SPP2: variants seen among roughly 807,000 people sequenced by gnomAD.
The protein encoded by SPP2 is secreted phosphoprotein 24.
A neutral mutation model predicts 28.8 loss-of-function variants in SPP2; 34 were observed. The ratio of observed to expected loss-of-function variants is 1.18; its 90% CI spans 0.90 to 1.57. The LOEUF (loss-of-function observed/expected upper bound fraction) is 1.57, where lower values mean the gene tolerates loss of function less well. Ranked by LOEUF, SPP2 falls within the 40% of genes most tolerant of loss-of-function variation. The probability of loss-of-function intolerance (pLI) is 0.00; values close to 1 mark genes in which losing one functional copy is unlikely to be tolerated. For missense variants in SPP2, 269 were observed against 263.9 expected, an observed-to-expected ratio of 1.02 and a Z score of -0.13; for synonymous variants, 96 against 89.4, an observed-to-expected ratio of 1.07 and a Z score of -0.42.
chr2:234,069,983 C>G lies in SPP2; in HGVS notation c.606C>G (p.His202Gln). ...PGNRRYPNHRHRARINTDFE is the reference protein window; with the variant it reads ...PGNRRYPNHRQRARINTDFE ...ACAGAAGGTACCCAAACCACCGGCA[C>G]AGAGCAAGAATAAATACTGACTTTG... The change falls in exon 7 of 8, where the codon CAC becomes CAG. Residue 202 changes from histidine to glutamine, a missense_variant. His to Gln is a conservative substitution (Grantham distance 24, BLOSUM62 0). Transcript: ENST00000168148. 6.2e-7 allele frequency: 1 copy of G among 1,613,582 alleles called. No individual in the cohort carries two copies. Among genetic ancestry groups the G allele is most frequent in the Non-Finnish European group, 8.5e-7 (1 of 1,179,644 alleles).
intron 7 of SPP2, 106 bp downstream of exon 7, chr2:234,070,129 C>A: frequency 1.2e-6 from 1 of 868,268 alleles, no homozygotes; most frequent in Non-Finnish European, 1.8e-6. Flanking sequence ...CTATTCAAAT[C>A]CTTGCTTTTC....
chr2:234,055,974 T>C (rs891503032), intron 2 of SPP2: 1 of 152,198 alleles, frequency 6.6e-6, no homozygotes, highest in Non-Finnish European at 1.5e-5. Context: ...TATATATACA[T>C]GTGCTATGTT....
chr2:234,056,861 G>A (rs1312605540), intron 2 of SPP2, among the ~76,000 whole-genome samples: 1 of 151,868 alleles, frequency 6.6e-6, no homozygotes, highest in Non-Finnish European at 1.5e-5. Flanking sequence ...TCCTATGTTA[G>A]GAGACATAAA....
chr2:234,053,333 G>A (rs1231491941), intron 2 of SPP2, among the ~76,000 whole-genome samples: 1 of 152,136 alleles, frequency 6.6e-6, no homozygotes, highest in African/African-American at 2.4e-5. Context: ...CTAAGAATAT[G>A]TTCAAAGCAA....
At chr2:234,052,084 C>A (rs1693509184) in intron 2 of SPP2, among the ~76,000 whole-genome samples, 1 of 152,158 alleles carries the variant, frequency 6.6e-6, no homozygotes, top group African/African-American at 2.4e-5. Flanking sequence ...GGAAATGAAT[C>A]AAAAGGACCC....
intron 7 of SPP2, 58 bp downstream of exon 7, chr2:234,070,081 C>A: frequency 1.5e-6 from 2 of 1,372,118 alleles, no homozygotes; most frequent in South Asian, 1.2e-5. Context: ...GTGGAGTGAA[C>A]GCCTTAAAAC....
In SPP2 at chr2:234,070,024, G is replaced by A; in HGVS notation, c.*10+1G>A. 1 of 1,611,138 alleles carries A rather than the reference G, an allele frequency of 6.2e-7. No homozygotes were observed. The highest frequency in any genetic ancestry group is 8.5e-7 in the Non-Finnish European group (1 of 1,177,732). ...ACTGACTTTGAGTAACGGCCTTGAGGTAAGAAAATGCAGGTGCACACAAGT... is the reference window on the plus strand; with the variant it reads ...ACTGACTTTGAGTAACGGCCTTGAGATAAGAAAATGCAGGTGCACACAAGT... On this transcript the variant is annotated splice_donor_variant, in intron 7 of 7. Transcript: ENST00000168148. LOFTEE classifies it low-confidence loss of function (3UTR_SPLICE).
intron 7 of SPP2, among the ~76,000 whole-genome samples, chr2:234,071,858 C>A (rs1380203114): frequency 6.6e-6 from 1 of 152,194 alleles, no homozygotes; most frequent in Non-Finnish European, 1.5e-5. Flanking sequence ...TTGTCACTTC[C>A]CTTTGGAGGT....
Position 234,050,955 on chromosome 2 carries a change from G to A in SPP2, c.86-16G>A, listed in dbSNP as rs1264737000. 1 of 1,613,994 alleles carries A rather than the reference G, an allele frequency of 6.2e-7. No individual in the cohort carries two copies. Among genetic ancestry groups the A allele is most frequent in the Admixed American group, 1.7e-5 (1 of 60,000 alleles). ...TGTGTCTTGTCTCACTGTGCCCCAT[G>A]TGCTTGCGTGTCCAGGTTTCCCAGT... is the stretch of plus-strand genomic sequence containing the variant. On this transcript the variant is annotated splice_polypyrimidine_tract_variant and intron_variant, in intron 1 of 7. Transcript: ENST00000168148.
intron 4 of SPP2, among the ~76,000 whole-genome samples, chr2:234,064,145 C>A (rs1693773261): frequency 6.6e-6 from 1 of 151,218 alleles, no homozygotes; most frequent in Non-Finnish European, 1.5e-5. Flanking sequence ...TCCTTCTCCC[C>A]CTCATTCCCT....
At chr2:234,067,643 G>A (rs1693849696) in intron 6 of SPP2, among the ~76,000 whole-genome samples, 1 of 151,960 alleles carries the variant, frequency 6.6e-6, no homozygotes, top group South Asian at 2.1e-4. Flanking sequence ...CGGGCGTAGT[G>A]GTGGGCGCCT....
intron 6 of SPP2, among the ~76,000 whole-genome samples, chr2:234,069,011 A>G (rs1012534052): frequency 6.6e-6 from 1 of 152,156 alleles, no homozygotes; most frequent in African/African-American, 2.4e-5. Context: ...TCTCATCTGA[A>G]GCTTGACTGG....
intron 4 of SPP2, among the ~76,000 whole-genome samples, chr2:234,065,991 C>T (rs1693810522): frequency 6.6e-6 from 1 of 152,104 alleles, no homozygotes; most frequent in African/African-American, 2.4e-5. Context: ...GTGTCCCTTC[C>T]CAGTCCAACT....
chr2:234,075,827 C>T (rs772797670), intron 7 of SPP2, among the ~76,000 whole-genome samples: 2 of 152,166 alleles, frequency 1.3e-5, no homozygotes, highest in Non-Finnish European at 2.9e-5. Context: ...AAATGCAATT[C>T]TTCCCTCGGA....
Position 234,051,043 on chromosome 2 carries a change from C to G in SPP2, c.158C>G (p.Ser53Cys), listed in dbSNP as rs144683165. The change falls in exon 2 of 8, where the codon TCC (serine) becomes TGC (cysteine). Residue 53 changes from serine to cysteine, a missense_variant. Ser to Cys is a moderately radical substitution (Grantham distance 112). Coordinates refer to ENST00000168148, the MANE Select transcript of SPP2 (RefSeq NM_006944.3). ...AGTGCCTCTGTGGTAAAAGTGAATT[C>G]CCAGTCACTGAGTCCGTATCTGTTT... is the stretch of plus-strand genomic sequence containing the variant. ...ALSASVVKVN[S>C]QSLSPYLFRA... is the part of the protein sequence containing the mutation. The G allele has an allele frequency of 5.0e-5, 80 of 1,614,014 alleles. 1 individual carries two copies. In the African/African-American group the frequency reaches 8.4e-4, roughly 17 times the overall value.
rs753087872 is a variant in SPP2, at chr2:234,066,600, C to T, written c.499+13C>T. On this transcript the variant is annotated intron_variant, in intron 5 of 7. Transcript: ENST00000168148. Reference sequence around the variant, plus strand: ...AATTATCTATTTGGTAAGTTAAGATCTGTTCTTTTTAACTTTTTTTCTTAA... The same window carrying T: ...AATTATCTATTTGGTAAGTTAAGATTTGTTCTTTTTAACTTTTTTTCTTAA... The T allele has an allele frequency of 6.2e-7, 1 of 1,600,342 alleles. No individual in the cohort carries two copies.
intron 4 of SPP2, among the ~76,000 whole-genome samples, chr2:234,063,577 T>C (rs1693761048): frequency 6.6e-6 from 1 of 152,196 alleles, no homozygotes; most frequent in African/African-American, 2.4e-5. Flanking sequence ...ATAGGTGAAT[T>C]ATCGGTAGTT....
At position 234,060,751 on chromosome 2, in the gene SPP2, A is replaced by G. The variant is rs1049100375; in HGVS notation, c.444+272A>G. Among the ~76,000 whole-genome samples, 90 of 151,702 alleles carry G rather than the reference A, an allele frequency of 5.9e-4. 1 individual carries two copies. In the Middle Eastern group the frequency reaches 0.027, roughly 46 times the overall value. On this transcript the variant is annotated intron_variant, in intron 4 of 7. Transcript: ENST00000168148. Reference sequence around the variant, plus strand: ...CACATATGCACACACACACACGCACACACACACACATGCACACACGCACAC... The same window carrying G: ...CACATATGCACACACACACACGCACGCACACACACATGCACACACGCACAC...
At chr2:234,070,337 G>A (rs28904006) in intron 7 of SPP2, among the ~76,000 whole-genome samples, 11 of 152,260 alleles carry the variant, frequency 7.2e-5, no homozygotes, top group East Asian at 3.9e-4. Flanking sequence ...CCTTCCCTCC[G>A]TCCTTCCTTC....
Sources: gnomAD v4.1 joint callset for allele counts (sites outside exome capture counted in the v4.1 genomes callset) on GRCh38, gnomAD v4.1.1 for gene constraint, MANE v1.5 for transcripts, NCBI Gene and HGNC (gene_info 2026-07-23, HGNC 2026-07-21) for gene names.